NELL2: variants seen among roughly 807,000 people sequenced by gnomAD.
The protein encoded by NELL2 is neural EGFL like 2, also known as protein kinase C-binding protein NELL2.
In NELL2, 41 loss-of-function variants were observed where a neutral mutation model predicts 109.6. The observed-to-expected ratio is 0.37, with a 90% CI of 0.29 to 0.49. The LOEUF is 0.49. Among genes scored for constraint, NELL2 ranks in the 20% least tolerant of loss-of-function variants. The probability of loss-of-function intolerance (pLI) is 0.98; values close to 1 mark genes in which losing one functional copy is unlikely to be tolerated. For synonymous variants in NELL2, 355 were observed against 344.7 expected (o/e 1.03, Z -0.33); for missense variants, 900 against 1,008.3 (o/e 0.89, Z 1.45).
intron 19 of NELL2, among the ~76,000 whole-genome samples, chr12:44,510,657 T>C (rs748458491): frequency 1.4e-4 from 21 of 152,226 alleles, no homozygotes; most frequent in Non-Finnish European, 4.4e-5. Flanking sequence ...GCTGAGTTCA[T>C]ATTCTGGCAG....
At chr12:44,669,511 C>T (rs1232279369) in intron 12 of NELL2, among the ~76,000 whole-genome samples, 1 of 151,882 alleles carries the variant, frequency 6.6e-6, no homozygotes, top group Admixed American at 6.6e-5. Flanking sequence ...GGAAACAAGT[C>T]ATTATTTGAA....
At position 44,619,142 on chromosome 12, in the gene NELL2, G is replaced by C. The variant is rs189412069; in HGVS notation, c.1445-8172C>G. Among the ~76,000 whole-genome samples the C allele has an allele frequency of 2.7e-3, 410 of 152,254 alleles. 2 individuals carry two copies. The highest frequency in any genetic ancestry group is 9.3e-3 in the African/African-American group (388 of 41,526). ...CCGAACAGGTGGCTCTTGACAGACA[G>C]GGAGGGTTTTTAACAGAAAAGGGTA... On this transcript the variant is annotated intron_variant, in intron 13 of 19. Transcript: ENST00000429094.
At position 44,720,375 on chromosome 12, in the gene NELL2, T is replaced by C. The variant is rs531559140; in HGVS notation, c.995-5634A>G. On this transcript the variant is annotated intron_variant, in intron 9 of 19. Transcript: ENST00000429094. ...AATAAGTGAACTGAAACCTCATTTT[T>C]CCCTTTACATTTGGTCTCACCTGTG... 1.8e-4 allele frequency among the ~76,000 whole-genome samples: 27 copies of C among 152,286 alleles called. No individual in the cohort carries two copies. In the East Asian group the frequency reaches 5.2e-3, roughly 29 times the overall value.
chr12:44,771,204 G>A (rs1941533930), intron 9 of NELL2, among the ~76,000 whole-genome samples: 1 of 152,172 alleles, frequency 6.6e-6, no homozygotes, highest in Non-Finnish European at 1.5e-5. Context: ...GGAGGAGATG[G>A]TGACTGAAAG....
At chr12:44,774,143 A>G (rs910025615) in intron 9 of NELL2, among the ~76,000 whole-genome samples, 13 of 152,250 alleles carry the variant, frequency 8.5e-5, no homozygotes, top group Non-Finnish European at 1.8e-4. Context: ...TATTTATTGA[A>G]CGATCTAGAA....
chr12:44,683,317 G>C (rs1948593502), intron 12 of NELL2, among the ~76,000 whole-genome samples: 1 of 144,096 alleles, frequency 6.9e-6, no homozygotes, highest in Non-Finnish European at 1.5e-5. Flanking sequence ...AGGAGATTTT[G>C]GGCTGAGACA....
intron 2 of NELL2, among the ~76,000 whole-genome samples, chr12:44,829,172 G>C (rs1214883479): frequency 6.6e-6 from 1 of 152,010 alleles, no homozygotes; most frequent in Admixed American, 6.6e-5. Flanking sequence ...ATTCAAAAAA[G>C]ATCAAATAAG....
chr12:44,740,341 A>C (rs1939886003), intron 9 of NELL2, among the ~76,000 whole-genome samples: 2 of 152,214 alleles, frequency 1.3e-5, no homozygotes, highest in Admixed American at 1.3e-4. Flanking sequence ...TTGTTATACC[A>C]GCACACAGAG....
chr12:44,898,172 T>C (rs1449180703), intron 1 of NELL2, among the ~76,000 whole-genome samples: 1 of 152,136 alleles, frequency 6.6e-6, no homozygotes, highest in Non-Finnish European at 1.5e-5. Flanking sequence ...GGGGTGGCTG[T>C]GGGCGCAGCT....
upstream of NELL2, chr12:44,876,870 G>A (rs1945343257): frequency 1.5e-6 from 2 of 1,295,352 alleles, no homozygotes; most frequent in East Asian, 5.9e-5. Context: ...GACGGATGGC[G>A]AGCCTGGGAA....
intron 15 of NELL2, among the ~76,000 whole-genome samples, chr12:44,592,573 A>G (rs1287289405): frequency 6.6e-6 from 1 of 152,164 alleles, no homozygotes; most frequent in Admixed American, 6.5e-5. Flanking sequence ...ACAAGGGAGG[A>G]TAAAAAGAGA....
At chr12:44,710,144 T>C (rs1938116950) in intron 11 of NELL2, among the ~76,000 whole-genome samples, 1 of 152,108 alleles carries the variant, frequency 6.6e-6, no homozygotes, top group African/African-American at 2.4e-5. Flanking sequence ...AAAACCAAAC[T>C]GCACCACCCT....
At chr12:44,755,252 T>C (rs987241088) in intron 9 of NELL2, among the ~76,000 whole-genome samples, 2 of 152,214 alleles carry the variant, frequency 1.3e-5, no homozygotes, top group Admixed American at 1.3e-4. Flanking sequence ...ATATATACCA[T>C]GAAATACACA....
Position 44,876,076 on chromosome 12 carries a change from G to C in NELL2, c.-207C>G, listed in dbSNP as rs966389165. ...GTGAAGAACTTAGACCCTCCAATGC[G>C]CACATCATTCCCACACGCAGGGCCG... On this transcript the variant is annotated 5_prime_UTR_variant, in exon 1 of 20. Transcript: ENST00000429094. The C allele has an allele frequency of 2.0e-5, 28 of 1,411,204 alleles. No homozygotes were observed. Among genetic ancestry groups the C allele is most frequent in the Non-Finnish European group, 2.4e-5 (26 of 1,087,062 alleles). 87.4% of individuals were successfully genotyped at this position (1,411,204 alleles called of 1,614,324 possible). A position where few individuals can be genotyped will look rare whatever the true frequency, so the allele number is the denominator to read the frequency against.
intron 9 of NELL2, among the ~76,000 whole-genome samples, chr12:44,740,387 G>A (rs1256461331): frequency 2.6e-5 from 4 of 152,126 alleles, no homozygotes; most frequent in Admixed American, 6.5e-5. Context: ...AGAAGCAGAG[G>A]TAGAACCCTG....
intron 13 of NELL2, among the ~76,000 whole-genome samples, chr12:44,625,254 C>T (rs1023559428): frequency 3.3e-5 from 5 of 151,818 alleles, no homozygotes; most frequent in Non-Finnish European, 5.9e-5. Context: ...TGCCTACCAA[C>T]CTTTGCTTCT....
intron 12 of NELL2, among the ~76,000 whole-genome samples, chr12:44,689,442 G>A (rs1392179964): frequency 6.6e-6 from 1 of 152,084 alleles, no homozygotes; most frequent in African/African-American, 2.4e-5. Context: ...CCTTGTTTCT[G>A]TACTAAATGT....
intron 2 of NELL2, among the ~76,000 whole-genome samples, chr12:44,837,394 A>C (rs1944086495): frequency 6.6e-6 from 1 of 152,198 alleles, no homozygotes; most frequent in South Asian, 2.1e-4. Context: ...AGACAATGCC[A>C]AACATTCCCT....
At chr12:44,739,039 C>T (rs1939800047) in intron 9 of NELL2, among the ~76,000 whole-genome samples, 1 of 151,648 alleles carries the variant, frequency 6.6e-6, no homozygotes, top group Non-Finnish European at 1.5e-5. Context: ...CCACCATTCA[C>T]ACACATCCAT....
Sources: allele counts gnomAD v4.1 joint callset (sites outside exome capture counted in the v4.1 genomes callset), GRCh38; gene constraint gnomAD v4.1.1; transcripts MANE v1.5; gene names NCBI Gene and HGNC (gene_info 2026-07-23, HGNC 2026-07-21).